The following PLXNA4 variants were observed in gnomAD, a reference collection of about 807,000 sequenced individuals.
The protein encoded by PLXNA4 is plexin A4.
In PLXNA4, 44 loss-of-function variants were observed where a neutral mutation model predicts 191.8. That is an observed-to-expected ratio of 0.23 (90% CI 0.18 to 0.29). The LOEUF (loss-of-function observed/expected upper bound fraction) is 0.29, where lower values mean the gene tolerates loss of function less well. PLXNA4 is among the 10% of genes least tolerant of loss of function. The pLI is 1.00. For missense variants in PLXNA4, 1,800 were observed against 2,488.8 expected, an observed-to-expected ratio of 0.72 and a Z score of 5.89; for synonymous variants, 1,082 against 1,009.5, an observed-to-expected ratio of 1.07 and a Z score of -1.36.
chr7:132,136,587 G>T (rs891794599), intron 30 of PLXNA4, among the ~76,000 whole-genome samples: 1 of 152,158 alleles, frequency 6.6e-6, no homozygotes, highest in Non-Finnish European at 1.5e-5. Context: ...CCACAGAGCC[G>T]CATCCTCCAC....
At chr7:132,246,504 C>T (rs556591500) in intron 4 of PLXNA4, among the ~76,000 whole-genome samples, 1 of 152,288 alleles carries the variant, frequency 6.6e-6, no homozygotes, top group African/African-American at 2.4e-5. Context: ...AAATAACTCA[C>T]AAGAGGTCAA....
At chr7:132,434,808 C>A (rs1212537725) in intron 3 of PLXNA4, among the ~76,000 whole-genome samples, 1 of 152,164 alleles carries the variant, frequency 6.6e-6, no homozygotes, top group Non-Finnish European at 1.5e-5. Flanking sequence ...TTGACGGGTA[C>A]AGATGTAGAG....
chr7:132,430,677 C>A (rs1321797792), intron 3 of PLXNA4, among the ~76,000 whole-genome samples: 1 of 152,202 alleles, frequency 6.6e-6, no homozygotes, highest in African/African-American at 2.4e-5. Flanking sequence ...AGCTTGAGTG[C>A]TAACAACCCA....
chr7:132,594,911 GTAGA>G (rs71178042), intron 2 of PLXNA4, among the ~76,000 whole-genome samples: 35,896 of 137,590 alleles, frequency 0.26, 4,744 homozygotes, highest in South Asian at 0.28. Flanking sequence ...AGATAGATAG[GTAGA>G]TAGATAGATA....
intron 10 of PLXNA4, among the ~76,000 whole-genome samples, chr7:132,210,332 C>T (rs561940487): frequency 5.9e-5 from 9 of 152,284 alleles, no homozygotes; most frequent in Non-Finnish European, 8.8e-5. Context: ...AGACAGCTGT[C>T]GGCAGCCTGG....
chr7:132,548,965 T>C (rs1317983265), intron 1 of PLXNA4, among the ~76,000 whole-genome samples: 1 of 152,190 alleles, frequency 6.6e-6, no homozygotes. Flanking sequence ...GCCAGCACCA[T>C]GACAGTTTAC....
At chr7:132,219,976 T>G (rs2116940744) in intron 9 of PLXNA4, among the ~76,000 whole-genome samples, 1 of 152,332 alleles carries the variant, frequency 6.6e-6, no homozygotes, top group East Asian at 1.9e-4. Context: ...AAGTACACCC[T>G]ATGATGTTCG....
rs1373420984 is a variant in PLXNA4, at chr7:132,130,535, G to C, written c.5629C>G (p.Gln1877Glu). 5.0e-6 allele frequency: 8 copies of C among 1,614,094 alleles called. No homozygotes were observed. The highest frequency in any genetic ancestry group is 6.8e-6 in the Non-Finnish European group (8 of 1,180,048). Residue 1877 changes from glutamine (Q) to glutamate (E), a missense_variant, in exon 32 of 32, where the codon CAG becomes GAG. Gln to Glu is a conservative substitution (Grantham distance 29, BLOSUM62 2). Around this residue, in one of 6 missense-constraint regions of PLXNA4, gnomAD observed 83 missense variants for 81.6 expected, o/e 1.02. Coordinates refer to ENST00000321063, the MANE Select transcript of PLXNA4 (RefSeq NM_020911.2). ...PLDHDDQCGK[Q>E]KLAYKLEQVI... is the part of the protein sequence containing the mutation. ...TGTTCTAGTTTGTAGGCCAGTTTCT[G>C]CTTCCCACACTGGTCATCGTGGTCC...
At chr7:132,289,894 TC>T (rs1315509565) in intron 4 of PLXNA4, among the ~76,000 whole-genome samples, 1 of 152,138 alleles carries the variant, frequency 6.6e-6, no homozygotes, top group African/African-American at 2.4e-5. Context: ...GATCTCTGTT[TC>T]CTAAACGAAT....
intron 2 of PLXNA4, among the ~76,000 whole-genome samples, chr7:132,599,241 A>G (rs1802772814): frequency 6.6e-6 from 1 of 152,092 alleles, no homozygotes; most frequent in East Asian, 1.9e-4. Flanking sequence ...CTTCTATGTA[A>G]ATTTCAGAGT....
At position 132,371,481 on chromosome 7, in the gene PLXNA4, G is replaced by A. The variant is rs531908100; in HGVS notation, c.1372-73259C>T. Among the ~76,000 whole-genome samples the A allele has an allele frequency of 9.9e-5, 15 of 152,282 alleles. No homozygotes were observed. The South Asian group carries it at 1.2e-3, about 13-fold the overall frequency. ...CCAATGATGTCAGTACCGCTTAGAT[G>A]TAGGAGCATATTTCTGGACACAGTT... On this transcript the variant is annotated intron_variant, in intron 3 of 31. Coordinates refer to ENST00000321063, the MANE Select transcript of PLXNA4 (RefSeq NM_020911.2).
chr7:132,217,533 T>A (rs1798001436), intron 9 of PLXNA4, among the ~76,000 whole-genome samples: 1 of 152,040 alleles, frequency 6.6e-6, no homozygotes, highest in Non-Finnish European at 1.5e-5. Context: ...GCAGGTCACC[T>A]CTCCTCTGTC....
At chr7:132,252,034 C>T (rs1220308886) in intron 4 of PLXNA4, among the ~76,000 whole-genome samples, 3 of 152,120 alleles carry the variant, frequency 2.0e-5, no homozygotes, top group African/African-American at 7.2e-5. Flanking sequence ...CGACAGATGA[C>T]CCAAGGAATT....
chr7:132,182,888 C>T (rs912014621), intron 16 of PLXNA4, among the ~76,000 whole-genome samples: 12 of 152,090 alleles, frequency 7.9e-5, no homozygotes, highest in Non-Finnish European at 1.0e-4. Flanking sequence ...CTTGTGTAAC[C>T]TTTCAAAAGA....
chr7:132,385,636 G>A (rs547211206), intron 3 of PLXNA4, among the ~76,000 whole-genome samples: 3 of 152,278 alleles, frequency 2.0e-5, no homozygotes, highest in South Asian at 2.1e-4. Context: ...CCTCACCTAT[G>A]TCCCTGAAAG....
At chr7:132,625,873 C>G (rs1803360272) in intron 2 of PLXNA4, among the ~76,000 whole-genome samples, 1 of 152,174 alleles carries the variant, frequency 6.6e-6, no homozygotes, top group Admixed American at 6.5e-5. Flanking sequence ...AAATCCTGCT[C>G]TCACGGAGTT....
intron 1 of PLXNA4, among the ~76,000 whole-genome samples, chr7:132,512,690 A>C (rs539589443): frequency 6.6e-6 from 1 of 152,326 alleles, no homozygotes; most frequent in East Asian, 1.9e-4. Context: ...TGGGACCCAC[A>C]GATATGCAGA....
intron 3 of PLXNA4, 25 bp from the exon 4 acceptor site, chr7:132,298,247 A>G: frequency 6.2e-7 from 1 of 1,600,594 alleles, no homozygotes. Flanking sequence ...AGGAGAGCCA[A>G]AGTGAGTTCA....
Position 132,485,090 on chromosome 7 carries a change from C to A in PLXNA4, c.1371+4202G>T. The A allele has an allele frequency of 2.5e-6, 4 of 1,576,486 alleles. No homozygotes were observed. In the South Asian group the frequency reaches 4.7e-5, roughly 18 times the overall value. ...AGGAAGATTAAATTAATCTACATGA[C>A]AATTCCCAATAAGAATGGTTTTTGT... On this transcript the variant is annotated intron_variant, in intron 3 of 31. Transcript: ENST00000321063.
Sources: gnomAD v4.1 joint callset for allele counts (sites outside exome capture counted in the v4.1 genomes callset) on GRCh38, gnomAD v4.1.1 for gene constraint, gnomAD v4.1.1 regional missense constraint, MANE v1.5 for transcripts, NCBI Gene and HGNC (gene_info 2026-07-23, HGNC 2026-07-21) for gene names.